The following PDZRN3 variants were observed in gnomAD, a reference collection of about 807,000 sequenced individuals.
PDZRN3 encodes the protein E3 ubiquitin-protein ligase PDZRN3.
A neutral mutation model predicts 85.7 loss-of-function variants in PDZRN3; 38 were observed. The ratio of observed to expected loss-of-function variants is 0.44; its 90% CI spans 0.34 to 0.58. The LOEUF (loss-of-function observed/expected upper bound fraction) is 0.58. PDZRN3 is among the 20% of genes least tolerant of loss of function. The pLI, the probability that PDZRN3 is intolerant of heterozygous loss-of-function variation, is 0.01. For synonymous variants in PDZRN3, 759 were observed against 638.0 expected, an observed-to-expected ratio of 1.19 and a Z score of -2.86; for missense variants, 1,629 against 1,506.4, an observed-to-expected ratio of 1.08 and a Z score of -1.35.
At chr3:73,594,585 C>T (rs1702406669) in intron 3 of PDZRN3, among the ~76,000 whole-genome samples, 1 of 152,106 alleles carries the variant, frequency 6.6e-6, no homozygotes, top group South Asian at 2.1e-4. Flanking sequence ...ATCCCAACAC[C>T]AGAGTGAATA....
At chr3:73,600,640 C>T (rs1368771499) in intron 3 of PDZRN3, among the ~76,000 whole-genome samples, 1 of 152,120 alleles carries the variant, frequency 6.6e-6, no homozygotes, top group Non-Finnish European at 1.5e-5. Context: ...ATTTCAAATA[C>T]AGATCATCCT....
At chr3:73,526,240 T>C (rs1432917338) in intron 3 of PDZRN3, among the ~76,000 whole-genome samples, 2 of 152,232 alleles carry the variant, frequency 1.3e-5, no homozygotes, top group African/African-American at 2.4e-5. Flanking sequence ...ACTATTATTA[T>C]TCACCACTGT....
At chr3:73,477,124 C>A (rs560742872) in intron 3 of PDZRN3, among the ~76,000 whole-genome samples, 1 of 152,230 alleles carries the variant, frequency 6.6e-6, no homozygotes, top group Admixed American at 6.5e-5. Flanking sequence ...TATGCAGGCA[C>A]CATCATTATT....
At chr3:73,501,484 C>A (rs1260109101) in intron 3 of PDZRN3, among the ~76,000 whole-genome samples, 2 of 152,228 alleles carry the variant, frequency 1.3e-5, no homozygotes, top group Non-Finnish European at 2.9e-5. Context: ...TTGACGACTG[C>A]AGACGACTCC....
chr3:73,398,398 G>C (rs969437986), intron 5 of PDZRN3, among the ~76,000 whole-genome samples: 3 of 152,216 alleles, frequency 2.0e-5, no homozygotes, highest in African/African-American at 2.4e-5. Context: ...GTGGCCTGTA[G>C]GTCAGGGGTC....
intron 3 of PDZRN3, among the ~76,000 whole-genome samples, chr3:73,515,508 T>C (rs991522828): frequency 6.6e-6 from 1 of 152,136 alleles, no homozygotes; most frequent in African/African-American, 2.4e-5. Context: ...TAGAAATAAA[T>C]GTGCTTCTCT....
intron 6 of PDZRN3, among the ~76,000 whole-genome samples, chr3:73,390,709 C>T (rs1238789299): frequency 1.3e-5 from 2 of 150,780 alleles, no homozygotes; most frequent in Non-Finnish European, 2.9e-5. Flanking sequence ...TCCACCATTC[C>T]ACTCAATGAA....
chr3:73,578,162 C>CTTTTT (rs61521063), intron 3 of PDZRN3, among the ~76,000 whole-genome samples: 3 of 115,336 alleles, frequency 2.6e-5, no homozygotes, highest in Non-Finnish European at 5.3e-5. Flanking sequence ...TTTGACCATT[C>CTTTTT]TTTTTTTTTT....
intron 3 of PDZRN3, among the ~76,000 whole-genome samples, chr3:73,545,790 G>T (rs1575726007): frequency 1.3e-5 from 2 of 152,180 alleles, no homozygotes. Flanking sequence ...GGCTTTTAGT[G>T]TGTGGATTTT....
intron 3 of PDZRN3, among the ~76,000 whole-genome samples, chr3:73,453,223 T>G (rs981425142): frequency 3.3e-5 from 5 of 151,846 alleles, no homozygotes; most frequent in Non-Finnish European, 7.4e-5. Flanking sequence ...CTGGCCAACA[T>G]GGTGAAACCC....
chr3:73,407,879 G>A (rs1701885522), intron 3 of PDZRN3, among the ~76,000 whole-genome samples: 2 of 152,154 alleles, frequency 1.3e-5, no homozygotes, highest in Non-Finnish European at 1.5e-5. Context: ...TTTGGGTACT[G>A]TTACACGGCA....
At chr3:73,592,755 C>G (rs1702376745) in intron 3 of PDZRN3, among the ~76,000 whole-genome samples, 1 of 152,138 alleles carries the variant, frequency 6.6e-6, no homozygotes, top group Non-Finnish European at 1.5e-5. Context: ...CTGGAGTACT[C>G]AGAGTTCCCA....
Position 73,483,913 on chromosome 3 carries a change from C to T in PDZRN3, c.919-79518G>A, listed in dbSNP as rs569353358. ...AGAACCATATTCTTTACTGGGAAGC[C>T]GTCAGAACTTTACCCATTAGGAAAA... On this transcript the variant is annotated intron_variant, in intron 3 of 9. Transcript: ENST00000263666. Among the ~76,000 whole-genome samples, 4 of 152,076 alleles carry T rather than the reference C, an allele frequency of 2.6e-5. No individual in the cohort carries two copies. In the South Asian group the frequency reaches 6.3e-4, roughly 24 times the overall value.
chr3:73,545,957 C>T (rs778710074), intron 3 of PDZRN3, among the ~76,000 whole-genome samples: 76 of 152,194 alleles, frequency 5.0e-4, no homozygotes, highest in African/African-American at 1.1e-3. Context: ...GGTCACCATC[C>T]GGCTCTGCCA....
intron 3 of PDZRN3, among the ~76,000 whole-genome samples, chr3:73,455,128 T>G (rs1702952924): frequency 6.6e-6 from 1 of 152,218 alleles, no homozygotes; most frequent in Non-Finnish European, 1.5e-5. Context: ...AGAAGCTGCT[T>G]TCATGTTGGA....
chr3:73,562,993 ATATATATATATATATATATAT>A (rs1701855083), intron 3 of PDZRN3, among the ~76,000 whole-genome samples: 3 of 30,136 alleles, frequency 1.0e-4, no homozygotes, highest in Admixed American at 8.3e-4. Flanking sequence ...TTATATATAT[ATATATATATATATATATATAT>A]TTTTTTTTTT....
chr3:73,481,885 T>C (rs957763689), intron 3 of PDZRN3, among the ~76,000 whole-genome samples: 2 of 152,142 alleles, frequency 1.3e-5, no homozygotes, highest in African/African-American at 4.8e-5. Context: ...CTCCTTCCCT[T>C]CCAAAAAACA....
At chr3:73,502,880 C>G (rs1704007940) in intron 3 of PDZRN3, among the ~76,000 whole-genome samples, 3 of 152,180 alleles carry the variant, frequency 2.0e-5, no homozygotes, top group Admixed American at 6.5e-5. Context: ...GCACCACCTG[C>G]TGGCTCACAG....
At position 73,385,764 on chromosome 3, in the gene PDZRN3, C is replaced by G. The variant is rs1438874839; in HGVS notation, c.1540G>C (p.Asp514His). ...TCATCCAGAAAGTCGTTCCTGTCAT[C>G]ATCCATCCAGCCCTCATCCAGCTGC... Reference protein sequence around the residue: ...ELQLDEGWMDDDRNDFLDDLH... With the variant: ...ELQLDEGWMDHDRNDFLDDLH... The change falls in exon 9 of 10, where the codon GAT (aspartate) becomes CAT (histidine). Residue 514 changes from aspartate to histidine, a missense_variant. Transcript: ENST00000263666. 3.1e-6 allele frequency: 5 copies of G among 1,612,520 alleles called. No individual in the cohort carries two copies. Among genetic ancestry groups the G allele is most frequent in the Non-Finnish European group, 4.2e-6 (5 of 1,178,506 alleles).
Sources: allele counts gnomAD v4.1 joint callset (sites outside exome capture counted in the v4.1 genomes callset), GRCh38; gene constraint gnomAD v4.1.1; transcripts MANE v1.5; gene names NCBI Gene and HGNC (gene_info 2026-07-23, HGNC 2026-07-21).